Variants in CRCP observed in about 807,000 individuals in gnomAD.
CRCP encodes the protein DNA-directed RNA polymerase III subunit RPC9.
In CRCP, 18 loss-of-function variants were observed where a neutral mutation model predicts 18.5. The observed-to-expected ratio is 0.97, with a 90% CI of 0.67 to 1.44. The LOEUF (loss-of-function observed/expected upper bound fraction) is 1.44. Among genes scored for constraint, CRCP ranks in the 40% most tolerant of loss-of-function variants. The pLI, the probability that CRCP is intolerant of heterozygous loss-of-function variation, is 0.00. For synonymous variants in CRCP, 53 were observed against 62.9 expected (o/e 0.84, Z 0.75); for missense variants, 130 against 176.4 (o/e 0.74, Z 1.49).
At chr7:66,131,561 G>A (rs1009584004) in intron 3 of CRCP, among the ~76,000 whole-genome samples, 1 of 151,630 alleles carries the variant, frequency 6.6e-6, no homozygotes, top group African/African-American at 2.4e-5. Flanking sequence ...TCTTCCCACT[G>A]CAGCGTCCCA....
intron 1 of CRCP, among the ~76,000 whole-genome samples, chr7:66,127,303 G>T (rs150100438): frequency 6.6e-6 from 1 of 152,218 alleles, no homozygotes; most frequent in Non-Finnish European, 1.5e-5. Flanking sequence ...TTGAGTTGAC[G>T]TAGGTGGTGA....
chr7:66,143,100 A>C (rs560531062), intron 4 of CRCP, among the ~76,000 whole-genome samples: 1 of 152,196 alleles, frequency 6.6e-6, no homozygotes, highest in African/African-American at 2.4e-5. Context: ...ATCCTACCCA[A>C]TCTAGGCAGT....
At chr7:66,121,787 T>C (rs1787450735) in intron 1 of CRCP, among the ~76,000 whole-genome samples, 1 of 152,184 alleles carries the variant, frequency 6.6e-6, no homozygotes, top group South Asian at 2.1e-4. Context: ...TACCATCTTT[T>C]TGAGGTAGTG....
At position 66,150,247 on chromosome 7, in the gene CRCP, CT is replaced by C. The variant is rs1472293018; in HGVS notation, c.298-1958del. Among the ~76,000 whole-genome samples the C allele has an allele frequency of 2.6e-5, 4 of 151,672 alleles. No homozygotes were observed. In the East Asian group the frequency reaches 7.9e-4, roughly 30 times the overall value. ...ACTAACCAACATGGAGAAACTCTGTCTTTACTAAAAATACAAAATTATCTGG... is the reference window on the plus strand; with the variant it reads ...ACTAACCAACATGGAGAAACTCTGTCTTACTAAAAATACAAAATTATCTGG... On this transcript the variant is annotated intron_variant, in intron 5 of 5. Coordinates refer to ENST00000395326, the MANE Select transcript of CRCP (RefSeq NM_014478.5).
At chr7:66,146,355 C>G (rs1450800912) in intron 5 of CRCP, among the ~76,000 whole-genome samples, 3 of 151,986 alleles carry the variant, frequency 2.0e-5, no homozygotes, top group Non-Finnish European at 4.4e-5. Flanking sequence ...CCCGGGCCAC[C>G]ACTGGGCACG....
rs1417338216 is a variant in CRCP at position 66,151,754 on chromosome 7, T to C, written c.298-454T>C. On this transcript the variant is annotated intron_variant, in intron 5 of 5. Transcript: ENST00000395326. The stretch of plus-strand genomic sequence containing the variant: ...TAGCTTTTTCCTTTTTTTCTTTTCT[T>C]TTTTTTTTTTTTTTTTTAGACAAAG... 2.3e-4 allele frequency among the ~76,000 whole-genome samples: 32 copies of C among 141,202 alleles called. 1 individual carries two copies. Among genetic ancestry groups the C allele is most frequent in the East Asian group, 8.1e-4 (4 of 4,922 alleles). The allele number at this position is 141,202 out of a possible 152,430, so 92.6% of individuals were successfully genotyped here.
chr7:66,120,249 T>G (rs1209334869), intron 1 of CRCP, among the ~76,000 whole-genome samples: 2 of 152,198 alleles, frequency 1.3e-5, no homozygotes, highest in Non-Finnish European at 2.9e-5. Flanking sequence ...TGAGGTTGGT[T>G]GAATCTAAGG....
At chr7:66,145,651 G>C in intron 5 of CRCP, 151 bp downstream of exon 5, 1 of 748,546 alleles carries the variant, frequency 1.3e-6, no homozygotes. Flanking sequence ...TTTGATCCTA[G>C]TTAGTGTGGA....
intron 1 of CRCP, among the ~76,000 whole-genome samples, chr7:66,125,201 G>T (rs1473079830): frequency 6.7e-6 from 1 of 149,202 alleles, no homozygotes; most frequent in Non-Finnish European, 1.5e-5. Flanking sequence ...CATCATTGGT[G>T]CTGTGAAATT....
intron 3 of CRCP, among the ~76,000 whole-genome samples, chr7:66,131,195 C>T (rs1030601978): frequency 3.9e-5 from 6 of 152,060 alleles, no homozygotes; most frequent in African/African-American, 1.4e-4. Context: ...AGGATGGTCT[C>T]GATCTCCTGA....
intron 4 of CRCP, among the ~76,000 whole-genome samples, chr7:66,144,465 A>T (rs1788235566): frequency 6.6e-6 from 1 of 152,174 alleles, no homozygotes; most frequent in Admixed American, 6.6e-5. Flanking sequence ...TTTCTAAGAG[A>T]TGACCACACA....
intron 1 of CRCP, among the ~76,000 whole-genome samples, chr7:66,118,167 G>C (rs536431101): frequency 1.3e-5 from 2 of 152,038 alleles, no homozygotes; most frequent in East Asian, 3.9e-4. Context: ...TAGTAGAGAC[G>C]GGGTTTCCAT....
intron 4 of CRCP, among the ~76,000 whole-genome samples, chr7:66,136,648 G>T (rs1191680587): frequency 6.6e-6 from 1 of 151,908 alleles, no homozygotes; most frequent in Non-Finnish European, 1.5e-5. Context: ...TCAGGTGTGA[G>T]CCACCGTGCC....
At chr7:66,144,299 C>T (rs560087522) in intron 4 of CRCP, among the ~76,000 whole-genome samples, 5 of 152,306 alleles carry the variant, frequency 3.3e-5, no homozygotes, top group East Asian at 1.9e-4. Flanking sequence ...TATTTGTCTT[C>T]TTTCTCCAGC....
chr7:66,137,684 T>C (rs1788010726), intron 4 of CRCP, among the ~76,000 whole-genome samples: 2 of 152,246 alleles, frequency 1.3e-5, no homozygotes, highest in Non-Finnish European at 2.9e-5. Flanking sequence ...CTAAAAAGAT[T>C]TGTAGCCTTT....
At chr7:66,125,995 A>C (rs568547060) in intron 1 of CRCP, among the ~76,000 whole-genome samples, 1 of 149,422 alleles carries the variant, frequency 6.7e-6, no homozygotes, top group Admixed American at 6.7e-5. Context: ...TTTCAATTTT[A>C]AATGAACTCT....
intron 2 of CRCP, 94 bp from the exon 3 acceptor site, chr7:66,130,650 C>T (rs1787771581): frequency 1.5e-6 from 1 of 665,912 alleles, no homozygotes; most frequent in African/African-American, 1.8e-5. Flanking sequence ...AAAGGAAGTA[C>T]TATACTTTCC....
intron 3 of CRCP, 88 bp downstream of exon 3, chr7:66,130,930 T>A (rs965330200): frequency 6.5e-6 from 5 of 774,836 alleles, no homozygotes; most frequent in South Asian, 6.3e-5. Flanking sequence ...GAAATTAAGA[T>A]TGCTTTTTAT....
chr7:66,143,530 C>A (rs181337265), intron 4 of CRCP, among the ~76,000 whole-genome samples: 2 of 152,280 alleles, frequency 1.3e-5, no homozygotes, highest in East Asian at 3.9e-4. Context: ...GAAAAGCCAT[C>A]AGGATCTAGT....
Sources: allele counts gnomAD v4.1 joint callset (sites outside exome capture counted in the v4.1 genomes callset), GRCh38; gene constraint gnomAD v4.1.1; transcripts MANE v1.5; gene names NCBI Gene and HGNC (gene_info 2026-07-23, HGNC 2026-07-21).